Variants in TMPRSS11E observed in about 807,000 individuals in gnomAD.
The protein encoded by TMPRSS11E is transmembrane serine protease 11E.
TMPRSS11E carries 38 observed loss-of-function variants against 48.1 expected under a neutral mutation model. The ratio of observed to expected loss-of-function variants is 0.79; its 90% CI spans 0.61 to 1.04. The LOEUF (loss-of-function observed/expected upper bound fraction) is 1.04, where lower values mean the gene tolerates loss of function less well. TMPRSS11E is among the 50% of genes least tolerant of loss of function. The pLI, the probability that TMPRSS11E is intolerant of heterozygous loss-of-function variation, is 0.00. For synonymous variants in TMPRSS11E, 158 were observed against 171.9 expected (o/e 0.92, Z 0.63); for missense variants, 530 against 510.8 (o/e 1.04, Z -0.36).
chr4:68,457,411 G>A (rs1039147736), intron 1 of TMPRSS11E, among the ~76,000 whole-genome samples: 12 of 152,176 alleles, frequency 7.9e-5, no homozygotes, highest in African/African-American at 2.9e-4. Context: ...ATGTTGGAGA[G>A]GATGTGGAGA....
chr4:68,453,292 T>C (rs1578130550), intron 1 of TMPRSS11E, among the ~76,000 whole-genome samples: 1 of 151,926 alleles, frequency 6.6e-6, no homozygotes, highest in Admixed American at 6.6e-5. Context: ...ATTATCTCCA[T>C]TTGTGGGTGG....
At chr4:68,450,878 T>C (rs184496760) in intron 1 of TMPRSS11E, among the ~76,000 whole-genome samples, 1 of 151,160 alleles carries the variant, frequency 6.6e-6, no homozygotes, top group African/African-American at 2.4e-5. Context: ...ATCATGTTTA[T>C]CTTAGAGCAA....
At chr4:68,487,218 G>T (rs149256477) in intron 9 of TMPRSS11E, among the ~76,000 whole-genome samples, 83 of 151,930 alleles carry the variant, frequency 5.5e-4, no homozygotes, top group South Asian at 2.3e-3. Context: ...TATAGTGTCA[G>T]TGGACTATGT....
intron 1 of TMPRSS11E, among the ~76,000 whole-genome samples, chr4:68,451,622 T>C (rs1039020501): frequency 6.6e-6 from 1 of 151,988 alleles, no homozygotes. Flanking sequence ...GATTTAGCAC[T>C]TTGTTTAAAG....
intron 9 of TMPRSS11E, among the ~76,000 whole-genome samples, chr4:68,487,503 C>T (rs949321730): frequency 1.3e-5 from 2 of 152,000 alleles, no homozygotes; most frequent in Admixed American, 1.3e-4. Flanking sequence ...CTGCCCACCT[C>T]GGCCTTCCAA....
chr4:68,465,048 C>T (rs1728890394), intron 2 of TMPRSS11E, among the ~76,000 whole-genome samples: 2 of 152,178 alleles, frequency 1.3e-5, no homozygotes, highest in Admixed American at 1.3e-4. Flanking sequence ...CAGTAGTTTA[C>T]AGAGATAGTT....
chr4:68,491,298 G>GCAAA (rs1729714283), intron 9 of TMPRSS11E, among the ~76,000 whole-genome samples: 1 of 13,116 alleles, frequency 7.6e-5, no homozygotes, highest in Admixed American at 1.3e-3. Context: ...GATATATGAA[G>GCAAA]CAAAAAAAAA....
rs1728372128 is a variant in TMPRSS11E at position 68,447,519 on chromosome 4, T to A, written c.7T>A (p.Tyr3Asn). Residue 3 changes from tyrosine (Y) to asparagine (N), a missense_variant, in exon 1 of 10, where the codon TAT (tyrosine) becomes AAT (asparagine). Coordinates refer to ENST00000305363, the MANE Select transcript of TMPRSS11E (RefSeq NM_014058.4). Reference protein sequence around the residue: MMYRPDVVRARKR... With the variant: MMNRPDVVRARKR... ...TCTTCATTGCTGGTTGGCAATGATGTATCGGTGAGTTAGTTCCCTTTTTCT... is the reference window on the plus strand; with the variant it reads ...TCTTCATTGCTGGTTGGCAATGATGAATCGGTGAGTTAGTTCCCTTTTTCT... The A allele has an allele frequency of 1.2e-6, 2 of 1,609,416 alleles. No individual in the cohort carries two copies. Among genetic ancestry groups the A allele is most frequent in the Non-Finnish European group, 1.7e-6 (2 of 1,177,302 alleles).
intron 1 of TMPRSS11E, among the ~76,000 whole-genome samples, chr4:68,453,058 G>A (rs1728541657): frequency 6.6e-6 from 1 of 151,886 alleles, no homozygotes; most frequent in Non-Finnish European, 1.5e-5. Flanking sequence ...GTGGGATAGA[G>A]GCTAGAAGCT....
At chr4:68,492,837 A>T (rs1207310257) in intron 9 of TMPRSS11E, among the ~76,000 whole-genome samples, 1 of 152,172 alleles carries the variant, frequency 6.6e-6, no homozygotes, top group African/African-American at 2.4e-5. Flanking sequence ...GACTACCATG[A>T]ATAATGAGAA....
At chr4:68,468,476 G>A (rs1728980104) in intron 3 of TMPRSS11E, among the ~76,000 whole-genome samples, 1 of 152,008 alleles carries the variant, frequency 6.6e-6, no homozygotes, top group African/African-American at 2.4e-5. Context: ...ATTTGACATG[G>A]TCATGCACTC....
chr4:68,447,997 A>G (rs1207280321), intron 1 of TMPRSS11E, among the ~76,000 whole-genome samples: 1 of 152,046 alleles, frequency 6.6e-6, no homozygotes, highest in Non-Finnish European at 1.5e-5. Flanking sequence ...AATCAGAAAC[A>G]ACTGAAGAAA....
At chr4:68,466,845 G>A (rs1436059770) in intron 3 of TMPRSS11E, 93 bp downstream of exon 3, 24 of 1,518,240 alleles carry the variant, frequency 1.6e-5, no homozygotes, top group East Asian at 9.0e-5. Flanking sequence ...TTCAACTAAC[G>A]GATCCCTGTG....
rs775213559 is a variant in TMPRSS11E, at chr4:68,466,793, C to T, written c.258+41C>T. 6.2e-6 allele frequency: 10 copies of T among 1,609,892 alleles called. 1 individual carries two copies. Among genetic ancestry groups the T allele is most frequent in the Middle Eastern group, 3.4e-4 (2 of 5,856 alleles). Reference sequence around the variant, plus strand: ...TCTACTTCTAGTGCATTTGCTTTCACTTTTTACCATATTTTTAGCATCCTA... The same window carrying T: ...TCTACTTCTAGTGCATTTGCTTTCATTTTTTACCATATTTTTAGCATCCTA... On this transcript the variant is annotated intron_variant, in intron 3 of 9. Transcript: ENST00000305363.
Position 68,476,388 on chromosome 4 carries a change from A to T in TMPRSS11E, c.657A>T (p.Ala219=). ...GGGATGGGAGTCATCGCTGTGGAGCAACCTTAATTAATGCCACATGGCTTG... is the reference window on the plus strand; with the variant it reads ...GGGATGGGAGTCATCGCTGTGGAGCTACCTTAATTAATGCCACATGGCTTG... ...LQWDGSHRCG[A]TLINATWLVS... The change falls in exon 7 of 10, where the codon GCA becomes GCT. Residue 219 remains alanine (A), a synonymous_variant. Transcript: ENST00000305363. The T allele has an allele frequency of 6.2e-7, 1 of 1,614,096 alleles. No homozygotes were observed. The highest frequency in any genetic ancestry group is 8.5e-7 in the Non-Finnish European group (1 of 1,179,940).
At chr4:68,473,186 T>A (rs926444672) in intron 5 of TMPRSS11E, among the ~76,000 whole-genome samples, 1 of 152,100 alleles carries the variant, frequency 6.6e-6, no homozygotes, top group African/African-American at 2.4e-5. Context: ...TGGATTTCCC[T>A]ATCTTTCTCT....
intron 9 of TMPRSS11E, among the ~76,000 whole-genome samples, chr4:68,485,535 G>T (rs1174280586): frequency 1.3e-5 from 2 of 152,166 alleles, no homozygotes; most frequent in Non-Finnish European, 2.9e-5. Flanking sequence ...TTGATGTGCT[G>T]CTGGATTTGG....
chr4:68,495,532 C>T (rs1729841592), intron 9 of TMPRSS11E, among the ~76,000 whole-genome samples: 1 of 151,538 alleles, frequency 6.6e-6, no homozygotes, highest in Admixed American at 6.6e-5. Flanking sequence ...CTTTTTATAT[C>T]TCCTCCTACA....
At chr4:68,495,319 A>G (rs141217628) in intron 9 of TMPRSS11E, among the ~76,000 whole-genome samples, 2 of 152,010 alleles carry the variant, frequency 1.3e-5, no homozygotes, top group African/African-American at 2.4e-5. Context: ...TCTCGGACTC[A>G]TTTATTCCTG....
Sources: allele counts gnomAD v4.1 joint callset (sites outside exome capture counted in the v4.1 genomes callset), GRCh38; gene constraint gnomAD v4.1.1; transcripts MANE v1.5; gene names NCBI Gene and HGNC (gene_info 2026-07-23, HGNC 2026-07-21).